The following MCC variants were observed in gnomAD, a reference collection of about 807,000 sequenced individuals.
MCC encodes MCC regulator of Wnt signaling pathway.
Under a neutral mutation model 116.2 loss-of-function variants are expected in MCC, and 90 were observed. The observed-to-expected ratio is 0.77, with a 90% CI of 0.65 to 0.92. MCC has a LOEUF of 0.92. Among genes scored for constraint, MCC ranks in the 40% least tolerant of loss-of-function variants. The pLI is 0.00. For missense variants in MCC, 1,516 were observed against 1,312.2 expected, an observed-to-expected ratio of 1.16 and a Z score of -2.40; for synonymous variants, 578 against 510.5, an observed-to-expected ratio of 1.13 and a Z score of -1.78.
chr5:113,375,828 T>G (rs1334218279), intron 2 of MCC, among the ~76,000 whole-genome samples: 1 of 151,958 alleles, frequency 6.6e-6, no homozygotes, highest in Non-Finnish European at 1.5e-5. Context: ...GACATTTTAT[T>G]TTCAAAGCAA....
chr5:113,146,111 C>A (rs1759499026), intron 4 of MCC, among the ~76,000 whole-genome samples: 3 of 107,782 alleles, frequency 2.8e-5, no homozygotes, highest in African/African-American at 2.6e-5. Flanking sequence ...TATATTTTTC[C>A]GTAAGTTTTA....
Position 113,079,254 on chromosome 5 carries a change from G to T in MCC, c.1784+3606C>A, listed in dbSNP as rs181922270. Reference sequence around the variant, plus strand: ...GCCCAAGGCAATTTATAGATTCAATGCCATCCCCATCAAGCTATCAATGAC... The same window carrying T: ...GCCCAAGGCAATTTATAGATTCAATTCCATCCCCATCAAGCTATCAATGAC... On this transcript the variant is annotated intron_variant, in intron 11 of 18. Transcript: ENST00000408903. Among the ~76,000 whole-genome samples, 236 of 152,312 alleles carry T rather than the reference G, an allele frequency of 1.5e-3. 1 individual carries two copies. The highest frequency in any genetic ancestry group is 5.5e-3 in the African/African-American group (227 of 41,560).
intron 3 of MCC, among the ~76,000 whole-genome samples, chr5:113,283,949 A>T (rs1227601608): frequency 6.6e-6 from 1 of 152,190 alleles, no homozygotes; most frequent in African/African-American, 2.4e-5. Flanking sequence ...GACCTTTATG[A>T]TGATCCACTG....
rs192501090 is a variant in MCC, at chr5:113,117,918, A to G, written c.1027+4766T>C. Among the ~76,000 whole-genome samples, 206 of 152,360 alleles carry G rather than the reference A, an allele frequency of 1.4e-3. 1 individual carries two copies. The highest frequency in any genetic ancestry group is 1.7e-3 in the Non-Finnish European group (114 of 68,036). Reference sequence around the variant, plus strand: ...CACACAGCTGCTCCCTAATTCCCCCATCAGCCCTAGAGACCTCAAAGGACT... The same window carrying G: ...CACACAGCTGCTCCCTAATTCCCCCGTCAGCCCTAGAGACCTCAAAGGACT... On this transcript the variant is annotated intron_variant, in intron 6 of 18. Coordinates refer to ENST00000408903, the MANE Select transcript of MCC (RefSeq NM_001085377.2).
intron 3 of MCC, among the ~76,000 whole-genome samples, chr5:113,309,665 T>C (rs189963884): frequency 6.6e-6 from 1 of 152,258 alleles, no homozygotes; most frequent in African/African-American, 2.4e-5. Context: ...ATCTTCATGA[T>C]TGTGAATTGT....
At chr5:113,480,087 T>C (rs1772337322) in intron 1 of MCC, among the ~76,000 whole-genome samples, 2 of 152,220 alleles carry the variant, frequency 1.3e-5, no homozygotes, top group Non-Finnish European at 1.5e-5. Context: ...CTCTCTTGCC[T>C]CTCCAAGTTC....
intron 2 of MCC, among the ~76,000 whole-genome samples, chr5:113,370,454 G>A (rs191894614): frequency 3.2e-4 from 48 of 152,258 alleles, no homozygotes; most frequent in Non-Finnish European, 5.4e-4. Flanking sequence ...AGAAGTGACC[G>A]TGGGTACTAG....
chr5:113,195,092 T>C (rs1400538633), intron 3 of MCC, among the ~76,000 whole-genome samples: 1 of 152,124 alleles, frequency 6.6e-6, no homozygotes, highest in Non-Finnish European at 1.5e-5. Context: ...GTGGACTAAA[T>C]ATACCAAAGC....
At position 113,073,577 on chromosome 5, in the gene MCC, C is replaced by T. The variant is rs368423885; in HGVS notation, c.1785-2343G>A. The stretch of plus-strand genomic sequence containing the variant: ...TCTTCCCCTTACTCCATTTCAGTTC[C>T]GCTGGCCTTTGGACAATTCCTCTTT... On this transcript the variant is annotated intron_variant, in intron 11 of 18. Transcript: ENST00000408903. Among the ~76,000 whole-genome samples, 294 of 152,310 alleles carry T rather than the reference C, an allele frequency of 1.9e-3. 4 individuals carry two copies. In the South Asian group the frequency reaches 0.055, roughly 28 times the overall value.
At chr5:113,307,503 C>T (rs1004256584) in intron 3 of MCC, among the ~76,000 whole-genome samples, 2 of 152,136 alleles carry the variant, frequency 1.3e-5, no homozygotes, top group Non-Finnish European at 2.9e-5. Context: ...TTGTATCTTG[C>T]AAGCTTGCTG....
chr5:113,388,970 C>T (rs899534353), intron 1 of MCC, among the ~76,000 whole-genome samples: 1 of 152,114 alleles, frequency 6.6e-6, no homozygotes, highest in African/African-American at 2.4e-5. Context: ...CAATTAGGGA[C>T]AGCACTAACA....
intron 1 of MCC, among the ~76,000 whole-genome samples, chr5:113,439,715 T>A (rs545930814): frequency 1.3e-5 from 2 of 152,210 alleles, no homozygotes; most frequent in African/African-American, 2.4e-5. Flanking sequence ...AGCCTCAGTA[T>A]GTACATTTCT....
chr5:113,216,386 A>G (rs777612298), intron 3 of MCC, among the ~76,000 whole-genome samples: 7 of 152,214 alleles, frequency 4.6e-5, no homozygotes, highest in Non-Finnish European at 1.0e-4. Flanking sequence ...CTGCTTTTTA[A>G]CCTGACACGT....
intron 11 of MCC, among the ~76,000 whole-genome samples, chr5:113,076,532 A>T (rs1211897630): frequency 6.6e-6 from 1 of 152,258 alleles, no homozygotes; most frequent in African/African-American, 2.4e-5. Context: ...AAGCATTTTC[A>T]ACCCAGAATT....
intron 8 of MCC, among the ~76,000 whole-genome samples, chr5:113,096,141 C>T (rs1368521615): frequency 6.6e-6 from 1 of 152,248 alleles, no homozygotes; most frequent in Non-Finnish European, 1.5e-5. Context: ...ATCACTGCTA[C>T]ATGGTGGGCC....
intron 2 of MCC, among the ~76,000 whole-genome samples, chr5:113,376,574 TACAC>T (rs1554079796): frequency 0.012 from 1,813 of 145,874 alleles, 16 homozygotes; most frequent in Non-Finnish European, 0.019. Context: ...CCATATTTTA[TACAC>T]ACACACACAC....
intron 1 of MCC, among the ~76,000 whole-genome samples, chr5:113,447,563 T>G (rs1771258408): frequency 6.6e-6 from 1 of 152,202 alleles, no homozygotes; most frequent in Non-Finnish European, 1.5e-5. Context: ...CCACCTCCTT[T>G]GACAGATGAG....
intron 3 of MCC, among the ~76,000 whole-genome samples, chr5:113,183,106 G>C (rs576157766): frequency 3.3e-5 from 5 of 152,154 alleles, no homozygotes; most frequent in African/African-American, 1.2e-4. Flanking sequence ...TACCAGGTCC[G>C]TGGCTGCCAG....
intron 15 of MCC, among the ~76,000 whole-genome samples, chr5:113,052,643 C>T (rs903924697): frequency 2.0e-5 from 3 of 152,178 alleles, no homozygotes; most frequent in Non-Finnish European, 4.4e-5. Flanking sequence ...AGAGATGGTG[C>T]GACCAGGGGG....
Sources: gnomAD v4.1 joint callset for allele counts (sites outside exome capture counted in the v4.1 genomes callset) on GRCh38, gnomAD v4.1.1 for gene constraint, MANE v1.5 for transcripts, NCBI Gene and HGNC (gene_info 2026-07-23, HGNC 2026-07-21) for gene names.